The following STK32B variants were observed in gnomAD, a reference collection of about 807,000 sequenced individuals.
STK32B encodes the protein serine/threonine kinase 32B, also known as serine/threonine-protein kinase 32B.
Under a neutral mutation model 52.6 loss-of-function variants are expected in STK32B, and 43 were observed. The observed-to-expected ratio is 0.82, with a 90% CI of 0.64 to 1.05. The LOEUF (loss-of-function observed/expected upper bound fraction) is 1.05. Ranked by LOEUF, STK32B falls within the 50% of genes least tolerant of loss-of-function variation. The pLI, the probability that STK32B is intolerant of heterozygous loss-of-function variation, is 0.00. For missense variants in STK32B, 621 were observed against 534.6 expected (o/e 1.16, Z -1.59); for synonymous variants, 238 against 204.3 (o/e 1.17, Z -1.41).
Position 5,051,749 on chromosome 4 carries a change from C to A in STK32B, c.-115C>A. 7.0e-7 allele frequency: 1 copy of A among 1,434,782 alleles called. No homozygotes were observed. The allele number at this position is 1,434,782 out of a possible 1,614,324, so 88.9% of individuals were successfully genotyped here. A position where few individuals can be genotyped will look rare whatever the true frequency, so the allele number is the denominator to read the frequency against. ...GCTCGGCCCCCTCGGGCTCCGCGCG[C>A]GGCTACAACCCGGACTGGGCGCGCC... On this transcript the variant is annotated 5_prime_UTR_variant, in exon 1 of 12. Coordinates refer to ENST00000282908, the MANE Select transcript of STK32B (RefSeq NM_018401.3).
intron 4 of STK32B, among the ~76,000 whole-genome samples, chr4:5,352,977 C>T (rs1396517151): frequency 2.0e-5 from 3 of 152,016 alleles, no homozygotes; most frequent in African/African-American, 7.2e-5. Flanking sequence ...AAGGACAAAG[C>T]TTGAGGCATC....
At chr4:5,381,642 G>T (rs1359444192) in intron 4 of STK32B, among the ~76,000 whole-genome samples, 7 of 152,338 alleles carry the variant, frequency 4.6e-5, no homozygotes, top group African/African-American at 1.7e-4. Flanking sequence ...CAGAGGTGTG[G>T]ATTCAGGAAA....
chr4:5,295,945 C>T (rs989270883), intron 3 of STK32B, among the ~76,000 whole-genome samples: 7 of 151,870 alleles, frequency 4.6e-5, no homozygotes, highest in Non-Finnish European at 1.0e-4. Context: ...TAACTGTCTC[C>T]CAGAGATTCT....
At chr4:5,153,565 A>G (rs1485079644) in intron 2 of STK32B, among the ~76,000 whole-genome samples, 1 of 152,076 alleles carries the variant, frequency 6.6e-6, no homozygotes, top group African/African-American at 2.4e-5. Context: ...GACCTGATAA[A>G]AAGCATTTAC....
At chr4:5,434,019 T>A (rs1011577411) in intron 6 of STK32B, among the ~76,000 whole-genome samples, 2 of 152,218 alleles carry the variant, frequency 1.3e-5, no homozygotes, top group African/African-American at 4.8e-5. Flanking sequence ...TTTCAAACTT[T>A]CATTGGCGGA....
chr4:5,464,748 A>G (rs557728763), intron 9 of STK32B, among the ~76,000 whole-genome samples: 2 of 152,280 alleles, frequency 1.3e-5, no homozygotes, highest in African/African-American at 4.8e-5. Context: ...CTTGCCCAAG[A>G]TTTCTCAGTG....
At chr4:5,177,737 G>T (rs898024275) in intron 3 of STK32B, among the ~76,000 whole-genome samples, 1 of 152,146 alleles carries the variant, frequency 6.6e-6, no homozygotes, top group African/African-American at 2.4e-5. Flanking sequence ...AAAACAGGGG[G>T]GCTACATGCC....
intron 6 of STK32B, among the ~76,000 whole-genome samples, chr4:5,435,543 G>C (rs888292931): frequency 3.9e-5 from 6 of 152,234 alleles, no homozygotes; most frequent in Non-Finnish European, 7.3e-5. Flanking sequence ...GCACAGAGCA[G>C]ATGCTCCTTA....
intron 3 of STK32B, among the ~76,000 whole-genome samples, chr4:5,231,976 C>T (rs1277812742): frequency 6.6e-6 from 1 of 152,162 alleles, no homozygotes; most frequent in East Asian, 1.9e-4. Flanking sequence ...GTAAAAATTC[C>T]TTCCTTCATT....
At chr4:5,324,720 C>T (rs1418382457) in intron 3 of STK32B, among the ~76,000 whole-genome samples, 1 of 152,154 alleles carries the variant, frequency 6.6e-6, no homozygotes. Context: ...GGTTTGGGAA[C>T]CCTGCACTAT....
At chr4:5,284,682 A>G (rs1728432486) in intron 3 of STK32B, among the ~76,000 whole-genome samples, 1 of 152,234 alleles carries the variant, frequency 6.6e-6, no homozygotes, top group South Asian at 2.1e-4. Context: ...ATAATTTTAC[A>G]GCCACCTTCT....
Position 5,051,953 on chromosome 4 carries a change from GCAT to G in STK32B, c.52+40_52+42del, listed in dbSNP as rs747896461. ...GAGGTGCGAATTCCCGCTTCGCGGG[GCAT>G]CCCCTTCCTCCACCACCCTCGGCCG... On this transcript the variant is annotated intron_variant, in intron 1 of 11. Coordinates refer to ENST00000282908, the MANE Select transcript of STK32B (RefSeq NM_018401.3). 3.5e-5 allele frequency: 55 copies of G among 1,559,284 alleles called. No individual in the cohort carries two copies. The African/African-American group carries it at 6.7e-4, about 19-fold the overall frequency.
At chr4:5,146,580 C>T (rs536540166) in intron 2 of STK32B, among the ~76,000 whole-genome samples, 2 of 152,260 alleles carry the variant, frequency 1.3e-5, no homozygotes, top group South Asian at 4.1e-4. Context: ...TCTCCCAGTC[C>T]ACTTAATCAA....
At chr4:5,455,201 C>T (rs1716387831) in intron 7 of STK32B, among the ~76,000 whole-genome samples, 1 of 152,246 alleles carries the variant, frequency 6.6e-6, no homozygotes, top group Non-Finnish European at 1.5e-5. Flanking sequence ...TGTAGCCCTA[C>T]CAAGGATCGG....
intron 6 of STK32B, among the ~76,000 whole-genome samples, chr4:5,440,165 A>T: frequency 6.6e-6 from 1 of 152,076 alleles, no homozygotes; most frequent in African/African-American, 2.4e-5. Context: ...CTTGATGGGG[A>T]TGGCATTGAA....
chr4:5,097,373 G>A (rs150256135), intron 1 of STK32B, among the ~76,000 whole-genome samples: 21 of 152,314 alleles, frequency 1.4e-4, no homozygotes, highest in African/African-American at 4.6e-4. Flanking sequence ...ACAGTTTGCT[G>A]AGTTTAAATG....
intron 3 of STK32B, among the ~76,000 whole-genome samples, chr4:5,292,859 G>A (rs1728974754): frequency 6.6e-6 from 1 of 151,866 alleles, no homozygotes; most frequent in South Asian, 2.1e-4. Context: ...GTGCCATGGT[G>A]GTTTGCTGCA....
At chr4:5,169,148 T>G (rs555326212) in intron 3 of STK32B, among the ~76,000 whole-genome samples, 110 of 152,326 alleles carry the variant, frequency 7.2e-4, no homozygotes, top group African/African-American at 2.5e-3. Context: ...ACAGGCCAGC[T>G]GAGTGCCCCT....
At chr4:5,131,933 A>T (rs1432193976) in intron 1 of STK32B, among the ~76,000 whole-genome samples, 1 of 151,388 alleles carries the variant, frequency 6.6e-6, no homozygotes, top group African/African-American at 2.4e-5. Context: ...GACTTTTTAG[A>T]TGAGATTAAC....
Sources: allele counts gnomAD v4.1 joint callset (sites outside exome capture counted in the v4.1 genomes callset), GRCh38; gene constraint gnomAD v4.1.1; transcripts MANE v1.5; gene names NCBI Gene and HGNC (gene_info 2026-07-23, HGNC 2026-07-21).